The following ELMO1 variants were observed in gnomAD, a reference collection of about 807,000 sequenced individuals.
ELMO1 encodes engulfment and cell motility 1.
ELMO1 carries 26 observed loss-of-function variants against 98.9 expected under a neutral mutation model. The observed-to-expected ratio is 0.26, with a 90% CI of 0.19 to 0.36. The LOEUF is 0.36. Ranked by LOEUF, ELMO1 falls within the 10% of genes least tolerant of loss-of-function variation. ELMO1 has a pLI of 1.00. For missense variants in ELMO1, 627 were observed against 935.2 expected (o/e 0.67, Z 4.30); for synonymous variants, 346 against 346.0 (o/e 1.00, Z 0.00).
intron 13 of ELMO1, among the ~76,000 whole-genome samples, chr7:37,164,395 G>C (rs904350996): frequency 2.0e-5 from 3 of 151,994 alleles, no homozygotes; most frequent in African/African-American, 7.2e-5. Context: ...TGGTGTTTTA[G>C]ACATGAAGTC....
At chr7:37,036,820 G>A (rs1795198572) in intron 15 of ELMO1, among the ~76,000 whole-genome samples, 1 of 152,194 alleles carries the variant, frequency 6.6e-6, no homozygotes, top group Non-Finnish European at 1.5e-5. Flanking sequence ...GGAAAGCTAT[G>A]TTAAGGATCC....
intron 1 of ELMO1, among the ~76,000 whole-genome samples, chr7:37,445,729 G>T (rs745878896): frequency 3.9e-5 from 6 of 152,228 alleles, no homozygotes; most frequent in Non-Finnish European, 7.4e-5. Flanking sequence ...TCTTCTCCTA[G>T]GCATTTCTCA....
At chr7:37,256,897 C>A (rs1015921876) in intron 6 of ELMO1, among the ~76,000 whole-genome samples, 2 of 152,142 alleles carry the variant, frequency 1.3e-5, no homozygotes, top group Non-Finnish European at 2.9e-5. Context: ...ACCCTTTAAA[C>A]AACCCAGTTT....
At chr7:37,147,697 A>G (rs1295360676) in intron 13 of ELMO1, among the ~76,000 whole-genome samples, 2 of 152,192 alleles carry the variant, frequency 1.3e-5, no homozygotes, top group Non-Finnish European at 2.9e-5. Context: ...GGCCCTGCCC[A>G]GGTCACATGT....
chr7:37,259,818 C>T lies in ELMO1; in HGVS notation c.244-468G>A, dbSNP rs768472060. On this transcript the variant is annotated intron_variant, in intron 5 of 21. Coordinates refer to ENST00000310758, the MANE Select transcript of ELMO1 (RefSeq NM_014800.11). ...TGAGTAATAACTGCCTACACATGTT[C>T]GGGAGCTTCATTAGCCACCCAAATG... Among the ~76,000 whole-genome samples, 6 of 152,304 alleles carry T rather than the reference C, an allele frequency of 3.9e-5. No homozygotes were observed. In the Middle Eastern group the frequency reaches 0.01, roughly 259 times the overall value.
At chr7:37,081,272 A>G (rs1797852664) in intron 15 of ELMO1, among the ~76,000 whole-genome samples, 1 of 152,250 alleles carries the variant, frequency 6.6e-6, no homozygotes, top group Admixed American at 6.5e-5. Context: ...GACCCTATCT[A>G]TAAAATGGAA....
chr7:37,264,116 C>G (rs1369455323), intron 5 of ELMO1, among the ~76,000 whole-genome samples: 1 of 152,116 alleles, frequency 6.6e-6, no homozygotes, highest in African/African-American at 2.4e-5. Flanking sequence ...TTAAGAGAAA[C>G]AGCCAAGACG....
chr7:37,201,653 C>T (rs1341586881), intron 13 of ELMO1, among the ~76,000 whole-genome samples: 3 of 152,240 alleles, frequency 2.0e-5, no homozygotes, highest in African/African-American at 7.2e-5. Flanking sequence ...CTTTAAACAA[C>T]TTCAAACGTT....
intron 7 of ELMO1, among the ~76,000 whole-genome samples, chr7:37,242,920 C>T (rs886183620): frequency 6.6e-5 from 10 of 152,176 alleles, no homozygotes; most frequent in Non-Finnish European, 4.4e-5. Flanking sequence ...CATACAAATC[C>T]CATCAAAGAC....
intron 15 of ELMO1, among the ~76,000 whole-genome samples, chr7:37,020,890 A>G (rs1308831332): frequency 6.6e-6 from 1 of 152,158 alleles, no homozygotes; most frequent in African/African-American, 2.4e-5. Flanking sequence ...AACACAGAAA[A>G]CCTGTTAGAG....
chr7:37,379,990 T>G (rs1272671975), intron 1 of ELMO1, among the ~76,000 whole-genome samples: 2 of 152,218 alleles, frequency 1.3e-5, no homozygotes, highest in African/African-American at 2.4e-5. Context: ...ATGTGGGATG[T>G]ATGTTGCATA....
At chr7:37,156,861 CAA>C (rs1563041859) in intron 13 of ELMO1, among the ~76,000 whole-genome samples, 1 of 151,872 alleles carries the variant, frequency 6.6e-6, no homozygotes, top group Non-Finnish European at 1.5e-5. Flanking sequence ...GGAGACAAAA[CAA>C]AAAAAGAGAA....
At chr7:37,019,566 T>C (rs1794150788) in intron 15 of ELMO1, among the ~76,000 whole-genome samples, 1 of 152,126 alleles carries the variant, frequency 6.6e-6, no homozygotes, top group Non-Finnish European at 1.5e-5. Context: ...ATAGCCTAAG[T>C]CTAAGAATAG....
chr7:37,232,499 T>C (rs187492272), intron 8 of ELMO1, among the ~76,000 whole-genome samples: 2 of 152,328 alleles, frequency 1.3e-5, no homozygotes, highest in East Asian at 1.9e-4. Flanking sequence ...TTGCAAGGAA[T>C]GGTAGGGCTC....
chr7:36,853,705 C>T lies in ELMO1; in HGVS notation c.*1846G>A, dbSNP rs889187523. On this transcript the variant is annotated 3_prime_UTR_variant, in exon 22 of 22. Coordinates refer to ENST00000310758, the MANE Select transcript of ELMO1 (RefSeq NM_014800.11). Reference sequence around the variant, plus strand: ...AATCTGTAATTGCACATCCTGATGACGGTAAAGAGAAATGACCTGGATGCT... The same window carrying T: ...AATCTGTAATTGCACATCCTGATGATGGTAAAGAGAAATGACCTGGATGCT... 1.4e-4 allele frequency among the ~76,000 whole-genome samples: 21 copies of T among 152,160 alleles called. No individual in the cohort carries two copies. Among genetic ancestry groups the T allele is most frequent in the Admixed American group, 4.6e-4 (7 of 15,278 alleles).
chr7:37,130,658 AAAC>A (rs1465895209), intron 14 of ELMO1, among the ~76,000 whole-genome samples: 1 of 152,188 alleles, frequency 6.6e-6, no homozygotes, highest in Non-Finnish European at 1.5e-5. Flanking sequence ...ACAGGGCAAA[AAAC>A]AACTTGGGAA....
At chr7:36,939,631 C>T (rs1786850821) in intron 16 of ELMO1, among the ~76,000 whole-genome samples, 1 of 152,206 alleles carries the variant, frequency 6.6e-6, no homozygotes. Flanking sequence ...ATTGCTGTGG[C>T]TCTGGACCAT....
intron 1 of ELMO1, among the ~76,000 whole-genome samples, chr7:37,356,330 G>A (rs1221390712): frequency 6.6e-6 from 1 of 152,062 alleles, no homozygotes; most frequent in Admixed American, 6.6e-5. Context: ...TAATGGGATC[G>A]CTGGGTCAAA....
chr7:37,338,835 G>A lies in ELMO1; in HGVS notation c.78+3778C>T, dbSNP rs536139687. 1.5e-4 allele frequency among the ~76,000 whole-genome samples: 23 copies of A among 152,286 alleles called. No homozygotes were observed. The South Asian group carries it at 4.8e-3, about 32-fold the overall frequency. On this transcript the variant is annotated intron_variant, in intron 2 of 21. Transcript: ENST00000310758. Reference sequence around the variant, plus strand: ...ACCAGTGAGTTGATAATTCTTTTGAGACCTTCCTGTGATACAGCAAAGTCC... The same window carrying A: ...ACCAGTGAGTTGATAATTCTTTTGAAACCTTCCTGTGATACAGCAAAGTCC...
Sources: allele counts gnomAD v4.1 joint callset (sites outside exome capture counted in the v4.1 genomes callset), GRCh38; gene constraint gnomAD v4.1.1; transcripts MANE v1.5; gene names NCBI Gene and HGNC (gene_info 2026-07-23, HGNC 2026-07-21).